RIOK1: variants seen among roughly 807,000 people sequenced by gnomAD.
The protein encoded by RIOK1 is RIO kinase 1.
In RIOK1, 66 loss-of-function variants were observed where a neutral mutation model predicts 73.5. The ratio of observed to expected loss-of-function variants is 0.90; its 90% CI spans 0.74 to 1.10. The LOEUF (loss-of-function observed/expected upper bound fraction) is 1.10, where lower values mean the gene tolerates loss of function less well. Ranked by LOEUF, RIOK1 falls within the 50% of genes least tolerant of loss-of-function variation. RIOK1 has a pLI of 0.00. For missense variants in RIOK1, 658 were observed against 699.8 expected, an observed-to-expected ratio of 0.94 and a Z score of 0.67; for synonymous variants, 224 against 226.8, an observed-to-expected ratio of 0.99 and a Z score of 0.11.
intron 10 of RIOK1, 91 bp downstream of exon 10, chr6:7,404,646 A>AGTGTG: frequency 3.4e-6 from 5 of 1,450,820 alleles, no homozygotes; most frequent in Non-Finnish European, 4.7e-6. Flanking sequence ...AAGTCACACT[A>AGTGTG]ACTTCTGAAG....
intron 4 of RIOK1, among the ~76,000 whole-genome samples, chr6:7,397,413 AATTT>A (rs1257047240): frequency 6.6e-6 from 1 of 152,238 alleles, no homozygotes; most frequent in Non-Finnish European, 1.5e-5. Flanking sequence ...GTTCCCTTAA[AATTT>A]ATTAAGAATT....
At chr6:7,409,566 G>C (rs1338453377) in intron 12 of RIOK1, among the ~76,000 whole-genome samples, 3 of 151,726 alleles carry the variant, frequency 2.0e-5, no homozygotes, top group Non-Finnish European at 2.9e-5. Flanking sequence ...TGGGATTACA[G>C]GCGTGAGCCT....
rs1284543255 is a variant in RIOK1 at position 7,389,979 on chromosome 6, G to T, written c.-24G>T. On this transcript the variant is annotated 5_prime_UTR_variant, in exon 1 of 17. Transcript: ENST00000379834. ...CCGTTCCTTTCCATCGCAGAGCGGC[G>T]GCCTCCGGCGGCGCTCTCCAGTCAT... 4.5e-6 allele frequency: 7 copies of T among 1,546,040 alleles called. No individual in the cohort carries two copies. Among genetic ancestry groups the T allele is most frequent in the South Asian group, 1.2e-5 (1 of 83,908 alleles).
intron 4 of RIOK1, among the ~76,000 whole-genome samples, chr6:7,398,179 A>G (rs147347443): frequency 0.012 from 1,815 of 152,276 alleles, 22 homozygotes; most frequent in African/African-American, 0.037. Context: ...AAAAACTTGT[A>G]TCTTCTTAGA....
chr6:7,417,248 T>A (rs1762028699), intron 16 of RIOK1, 83 bp from the exon 17 acceptor site: 7 of 894,446 alleles, frequency 7.8e-6, no homozygotes, highest in Non-Finnish European at 1.0e-5. Context: ...AGACCCTGTC[T>A]AAAAAACAAA....
intron 4 of RIOK1, among the ~76,000 whole-genome samples, chr6:7,398,032 C>G (rs1159644206): frequency 1.3e-5 from 2 of 152,156 alleles, no homozygotes; most frequent in Non-Finnish European, 1.5e-5. Context: ...GTCCCAGCTA[C>G]TCGGGAGGCT....
In RIOK1 at chr6:7,412,881, G is replaced by A; in HGVS notation, c.1390-8G>A. ...TCCTTATTTTTTTTTTTTCATTTTGGTTATAAGATTCTATACCAGACTGTT... is the reference window on the plus strand; with the variant it reads ...TCCTTATTTTTTTTTTTTCATTTTGATTATAAGATTCTATACCAGACTGTT... On this transcript the variant is annotated splice_region_variant and splice_polypyrimidine_tract_variant and intron_variant, in intron 14 of 16. Coordinates refer to ENST00000379834, the MANE Select transcript of RIOK1 (RefSeq NM_031480.3). 6.8e-7 allele frequency: 1 copy of A among 1,473,930 alleles called. No homozygotes were observed. Among genetic ancestry groups the A allele is most frequent in the Non-Finnish European group, 9.1e-7 (1 of 1,096,628 alleles). 91.3% of individuals were successfully genotyped at this position (1,473,930 alleles called of 1,614,324 possible). A position where few individuals can be genotyped will look rare whatever the true frequency, so the allele number is the denominator to read the frequency against.
rs1463157705 is a variant in RIOK1 at position 7,417,902 on chromosome 6, T to C, written c.*461T>C. 2.0e-5 allele frequency: 3 copies of C among 152,294 alleles called. No individual in the cohort carries two copies. Among genetic ancestry groups the C allele is most frequent in the Non-Finnish European group, 4.4e-5 (3 of 68,078 alleles). The allele number at this position is 152,294 out of a possible 1,614,324, so 9.4% of individuals were successfully genotyped here. On this transcript the variant is annotated 3_prime_UTR_variant, in exon 17 of 17. Transcript: ENST00000379834. ...TATATAAAGGGAATTTCACCCACAG[T>C]TCAGCTGGCTGTTGATTTTCACTGC...
At chr6:7,398,799 A>G in intron 5 of RIOK1, 59 bp downstream of exon 5, 3 of 1,397,688 alleles carry the variant, frequency 2.1e-6, no homozygotes, top group Non-Finnish European at 3.0e-6. Flanking sequence ...CTCTCTTTGA[A>G]TTGTAGTTTG....
At chr6:7,403,134 A>C (rs1343135462) in intron 8 of RIOK1, among the ~76,000 whole-genome samples, 1 of 152,232 alleles carries the variant, frequency 6.6e-6, no homozygotes, top group Non-Finnish European at 1.5e-5. Flanking sequence ...GCCACAATTC[A>C]TATTTATTCC....
rs114147467 is a variant in RIOK1 at position 7,413,437 on chromosome 6, G to A, written c.1443+495G>A. 7.6e-3 allele frequency among the ~76,000 whole-genome samples: 1,156 copies of A among 152,246 alleles called. 7 individuals carry two copies. Among genetic ancestry groups the A allele is most frequent in the Non-Finnish European group, 0.011 (782 of 68,006 alleles). On this transcript the variant is annotated intron_variant, in intron 15 of 16. Coordinates refer to ENST00000379834, the MANE Select transcript of RIOK1 (RefSeq NM_031480.3). ...TTGTTTTACATTTTAGAAGGGCAGG[G>A]ATTAAGTAATTCTAACTTAGGCAGT...
chr6:7,402,228 C>T (rs929214871), intron 6 of RIOK1, among the ~76,000 whole-genome samples: 7 of 152,102 alleles, frequency 4.6e-5, no homozygotes, highest in African/African-American at 1.2e-4. Context: ...ACGGTAGTTC[C>T]GAATCTGTAC....
At position 7,417,979 on chromosome 6, in the gene RIOK1, T is replaced by C. The variant is rs1255992801; in HGVS notation, c.*538T>C. ...TCATTTGTAATGCTCTTACACTTCG[T>C]CTTTAATGTTCTTTTTGGAGTTAGG... On this transcript the variant is annotated 3_prime_UTR_variant, in exon 17 of 17. Coordinates refer to ENST00000379834, the MANE Select transcript of RIOK1 (RefSeq NM_031480.3). 6.6e-6 allele frequency: 1 copy of C among 152,238 alleles called. No individual in the cohort carries two copies. Among genetic ancestry groups the C allele is most frequent in the African/African-American group, 2.4e-5 (1 of 41,452 alleles). The allele number at this position is 152,238 out of a possible 1,614,324, so 9.4% of individuals were successfully genotyped here. A position where few individuals can be genotyped will look rare whatever the true frequency, so the allele number is the denominator to read the frequency against.
rs756761444 is a variant in RIOK1, at chr6:7,395,185, T to C, written c.367+42T>C. The C allele has an allele frequency of 5.8e-5, 91 of 1,575,152 alleles. 2 individuals carry two copies. The South Asian group carries it at 1.0e-3, about 18-fold the overall frequency. ...CATCACTGGGCTAAGAGGACATTTT[T>C]CAAAAACCATGGAGTGTTGTATAAT... On this transcript the variant is annotated intron_variant, in intron 3 of 16. Coordinates refer to ENST00000379834, the MANE Select transcript of RIOK1 (RefSeq NM_031480.3).
At position 7,404,513 on chromosome 6, in the gene RIOK1, A is replaced by T. The variant is rs921125787; in HGVS notation, c.950A>T (p.Asp317Val). 33 of 1,614,066 alleles carry T rather than the reference A, an allele frequency of 2.0e-5. No individual in the cohort carries two copies. The highest frequency in any genetic ancestry group is 1.1e-4 in the East Asian group (5 of 44,894). The change falls in exon 10 of 17, where the codon GAT (aspartate) becomes GTT (valine). Residue 317 changes from aspartate (D) to valine (V), a missense_variant. Physicochemically the swap from Asp to Val is radical, Grantham distance 152. Transcript: ENST00000379834. ...VIQYMRRMYQ[D>V]ARLVHADLSE... ...CAGTACATGAGAAGAATGTATCAGGATGCCAGACTTGTCCATGCAGATCTC... is the reference window on the plus strand; with the variant it reads ...CAGTACATGAGAAGAATGTATCAGGTTGCCAGACTTGTCCATGCAGATCTC...
intron 16 of RIOK1, among the ~76,000 whole-genome samples, chr6:7,416,878 A>ATTTTC (rs1174185201): frequency 1.3e-5 from 2 of 151,642 alleles, no homozygotes; most frequent in African/African-American, 4.8e-5. Flanking sequence ...ACCCATAATC[A>ATTTTC]TTTTCTTTTC....
In RIOK1 at chr6:7,411,346, A is replaced by T. The variant is rs1761878428; in HGVS notation, c.1284A>T (p.Ala428=). 1 of 1,614,034 alleles carries T rather than the reference A, an allele frequency of 6.2e-7. No individual in the cohort carries two copies. Among genetic ancestry groups the T allele is most frequent in the Non-Finnish European group, 8.5e-7 (1 of 1,179,950 alleles). The part of the protein sequence containing the change: ...DHVDEEVFKR[A]YIPRTLNEVK... ...CTCTCTGTTAGGTGTTTAAGCGAGC[A>T]TATATTCCTAGAACCTTGAATGAAG... is the stretch of plus-strand genomic sequence containing the variant. Residue 428 remains alanine, a synonymous_variant, in exon 14 of 17, where the codon GCA becomes GCT. Coordinates refer to ENST00000379834, the MANE Select transcript of RIOK1 (RefSeq NM_031480.3).
chr6:7,412,140 C>G (rs1761900162), intron 14 of RIOK1, among the ~76,000 whole-genome samples: 1 of 152,154 alleles, frequency 6.6e-6, no homozygotes, highest in African/African-American at 2.4e-5. Flanking sequence ...GTGGGCGGAT[C>G]ACTTGAGGTC....
chr6:7,411,073 T>C (rs1761872869), intron 13 of RIOK1, among the ~76,000 whole-genome samples: 1 of 152,228 alleles, frequency 6.6e-6, no homozygotes, highest in African/African-American at 2.4e-5. Context: ...CTAAGGATAA[T>C]CTTGAATCAG....
Sources: allele counts gnomAD v4.1 joint callset (sites outside exome capture counted in the v4.1 genomes callset), GRCh38; gene constraint gnomAD v4.1.1; transcripts MANE v1.5; gene names NCBI Gene and HGNC (gene_info 2026-07-23, HGNC 2026-07-21).